Variants in ATF7IP2 observed in about 807,000 individuals in gnomAD.
ATF7IP2 encodes activating transcription factor 7-interacting protein 2.
Under a neutral mutation model 64.2 loss-of-function variants are expected in ATF7IP2, and 42 were observed. The observed-to-expected ratio is 0.65, with a 90% CI of 0.51 to 0.85. The LOEUF is 0.85. ATF7IP2 is among the 40% of genes least tolerant of loss of function. ATF7IP2 has a pLI of 0.00. For missense variants in ATF7IP2, 933 were observed against 784.2 expected (o/e 1.19, Z -2.27); for synonymous variants, 308 against 272.8 (o/e 1.13, Z -1.27).
chr16:10,444,153 G>A (rs2048723564), intron 8 of ATF7IP2, among the ~76,000 whole-genome samples: 1 of 152,214 alleles, frequency 6.6e-6, no homozygotes, highest in East Asian at 1.9e-4. Context: ...AATTGTTTGA[G>A]GAAACGATGA....
Position 10,480,082 on chromosome 16 carries a change from G to A in ATF7IP2, c.1550-797G>A, listed in dbSNP as rs996307894. Among the ~76,000 whole-genome samples the A allele has an allele frequency of 9.8e-5, 14 of 143,536 alleles. 1 individual carries two copies. Among genetic ancestry groups the A allele is most frequent in the South Asian group, 2.3e-4 (1 of 4,420 alleles). 94.2% of individuals were successfully genotyped at this position (143,536 alleles called of 152,430 possible). ...TGGCTCACTTCAACCTCCACCTCCC[G>A]GGTTTAAGCAATTCTCTGTCTCAGC... is the stretch of plus-strand genomic sequence containing the variant. On this transcript the variant is annotated intron_variant, in intron 12 of 13. Coordinates refer to ENST00000562102, the MANE Select transcript of ATF7IP2 (RefSeq NM_001393719.1).
Position 10,482,285 on chromosome 16 carries a change from ATATT to A in ATF7IP2, c.*38_*41del, listed in dbSNP as rs746720750. 1 of 1,445,314 alleles carries A rather than the reference ATATT, an allele frequency of 6.9e-7. No homozygotes were observed. The highest frequency in any genetic ancestry group is 2.2e-5 in the Admixed American group (1 of 45,532). 89.5% of individuals were successfully genotyped at this position (1,445,314 alleles called of 1,614,324 possible). On this transcript the variant is annotated 3_prime_UTR_variant, in exon 14 of 14. Transcript: ENST00000562102. ...ATAATGATATACTACTTTTTTTTTC[ATATT>A]TGTTTGTTTGCAATGTTACTGTAAT...
At chr16:10,463,865 C>T (rs1428024712) in intron 9 of ATF7IP2, among the ~76,000 whole-genome samples, 1 of 152,074 alleles carries the variant, frequency 6.6e-6, no homozygotes, top group Non-Finnish European at 1.5e-5. Context: ...TCTTATTTTC[C>T]CCCATTCTTG....
chr16:10,446,868 G>C (rs1291636384), intron 8 of ATF7IP2: 2 of 152,146 alleles, frequency 1.3e-5, no homozygotes, highest in Non-Finnish European at 1.5e-5. Context: ...TTGGAAGTTT[G>C]TGTGAGGCTC....
chr16:10,434,562 A>C (rs1401592985), intron 6 of ATF7IP2, among the ~76,000 whole-genome samples: 1 of 152,262 alleles, frequency 6.6e-6, no homozygotes, highest in South Asian at 2.1e-4. Context: ...AGAGTTACGC[A>C]GAACCAGCTT....
intron 3 of ATF7IP2, among the ~76,000 whole-genome samples, chr16:10,427,776 T>C (rs1346434160): frequency 1.3e-5 from 2 of 151,798 alleles, no homozygotes; most frequent in Non-Finnish European, 2.9e-5. Context: ...GGAGGATAGC[T>C]TGAGCCTGGG....
intron 1 of ATF7IP2, among the ~76,000 whole-genome samples, chr16:10,410,820 C>T (rs1025693096): frequency 1.1e-4 from 16 of 152,108 alleles, no homozygotes; most frequent in Non-Finnish European, 2.9e-5. Flanking sequence ...TCAACTTTTC[C>T]CCATTTAGTA....
chr16:10,469,634 G>T (rs1405034657), intron 9 of ATF7IP2, among the ~76,000 whole-genome samples: 1 of 152,106 alleles, frequency 6.6e-6, no homozygotes, highest in African/African-American at 2.4e-5. Flanking sequence ...AATTAGCCCA[G>T]CATTGTGGCG....
chr16:10,401,920 T>C (rs779024913), intron 1 of ATF7IP2, among the ~76,000 whole-genome samples: 1 of 152,108 alleles, frequency 6.6e-6, no homozygotes, highest in Admixed American at 6.5e-5. Context: ...ATAGTCTCTG[T>C]TGTTGTTTTG....
At chr16:10,419,115 C>G (rs1396420916) in intron 2 of ATF7IP2, among the ~76,000 whole-genome samples, 1 of 152,170 alleles carries the variant, frequency 6.6e-6, no homozygotes, top group Admixed American at 6.5e-5. Flanking sequence ...TGTTTACAAA[C>G]AGGTTTTTGA....
At chr16:10,388,282 G>A (rs1401164027) in intron 1 of ATF7IP2, among the ~76,000 whole-genome samples, 1 of 152,228 alleles carries the variant, frequency 6.6e-6, no homozygotes, top group African/African-American at 2.4e-5. Context: ...CGATGGGACA[G>A]ATTGGAGTCA....
chr16:10,472,268 A>C (rs1297718477), intron 10 of ATF7IP2, 85 bp downstream of exon 10: 1 of 621,556 alleles, frequency 1.6e-6, no homozygotes, highest in African/African-American at 1.9e-5. Flanking sequence ...ATTGAATAAT[A>C]TCTTTTAATA....
intron 9 of ATF7IP2, among the ~76,000 whole-genome samples, chr16:10,467,550 G>A (rs1347846095): frequency 1.3e-5 from 2 of 151,450 alleles, no homozygotes; most frequent in South Asian, 2.1e-4. Context: ...CAATTTAGAG[G>A]GTAAAAGTGG....
rs756276718 is a variant in ATF7IP2, at chr16:10,438,208, G to A, written c.1068G>A (p.Lys356=). ...QRIGKTECRN[K]HEGIADKLLA... ...TTGGGAAGACAGAGTGCAGAAATAA[G>A]CATGAAGGAATAGCTGATAAACTTT... Residue 356 remains lysine, a synonymous_variant, in exon 7 of 14, where the codon AAG becomes AAA. Coordinates refer to ENST00000562102, the MANE Select transcript of ATF7IP2 (RefSeq NM_001393719.1). The A allele has an allele frequency of 9.3e-5, 149 of 1,600,670 alleles. 1 individual carries two copies. Among genetic ancestry groups the A allele is most frequent in the Non-Finnish European group, 8.5e-5 (100 of 1,175,368 alleles).
At chr16:10,432,851 C>T (rs963559400) in intron 5 of ATF7IP2, among the ~76,000 whole-genome samples, 4 of 151,082 alleles carry the variant, frequency 2.6e-5, no homozygotes, top group Non-Finnish European at 5.9e-5. Flanking sequence ...TCACTCTTGC[C>T]TGGGCGACAA....
At chr16:10,388,205 A>T (rs1022310245) in intron 1 of ATF7IP2, among the ~76,000 whole-genome samples, 1 of 152,084 alleles carries the variant, frequency 6.6e-6, no homozygotes, top group African/African-American at 2.4e-5. Context: ...TCATATTTTT[A>T]TATCATTTAG....
intron 6 of ATF7IP2, 124 bp downstream of exon 6, chr16:10,433,773 G>C: frequency 1.9e-6 from 2 of 1,046,002 alleles, no homozygotes; most frequent in Non-Finnish European, 2.8e-6. Flanking sequence ...GCTGGTGTGT[G>C]AAAGCCAAAT....
chr16:10,390,042 G>GT (rs1260193443), intron 1 of ATF7IP2, among the ~76,000 whole-genome samples: 2 of 152,074 alleles, frequency 1.3e-5, no homozygotes, highest in African/African-American at 4.8e-5. Flanking sequence ...AGTTAAATGG[G>GT]TTTTTTCTAA....
chr16:10,438,620 G>A (rs951195562), intron 7 of ATF7IP2, among the ~76,000 whole-genome samples: 10 of 152,074 alleles, frequency 6.6e-5, no homozygotes, highest in Non-Finnish European at 5.9e-5. Context: ...AACAATAAGG[G>A]AAGACATACC....
Sources: allele counts gnomAD v4.1 joint callset (sites outside exome capture counted in the v4.1 genomes callset), GRCh38; gene constraint gnomAD v4.1.1; transcripts MANE v1.5; gene names NCBI Gene and HGNC (gene_info 2026-07-23, HGNC 2026-07-21).